The following CMPK1 variants were observed in gnomAD, a reference collection of about 807,000 sequenced individuals.
CMPK1 encodes the protein cytidine/uridine monophosphate kinase 1.
In CMPK1, 10 loss-of-function variants were observed where a neutral mutation model predicts 25.7. That is an observed-to-expected ratio of 0.39 (90% CI 0.24 to 0.66). CMPK1 has a LOEUF of 0.66. Ranked by LOEUF, CMPK1 falls within the 30% of genes least tolerant of loss-of-function variation. CMPK1 has a pLI of 0.48. For synonymous variants in CMPK1, 106 were observed against 101.5 expected, an observed-to-expected ratio of 1.04 and a Z score of -0.27; for missense variants, 199 against 280.5, an observed-to-expected ratio of 0.71 and a Z score of 2.08.
intron 5 of CMPK1, among the ~76,000 whole-genome samples, chr1:47,375,860 C>T (rs1466456890): frequency 6.6e-6 from 1 of 152,168 alleles, no homozygotes; most frequent in Non-Finnish European, 1.5e-5. Context: ...AGGAACCTAA[C>T]CTCCCTTTCC....
intron 1 of CMPK1, among the ~76,000 whole-genome samples, chr1:47,346,992 A>G (rs1353623908): frequency 6.6e-6 from 1 of 151,708 alleles, no homozygotes; most frequent in Non-Finnish European, 1.5e-5. Flanking sequence ...CGCGTTGGCC[A>G]GGCTGGTCTT....
chr1:47,333,829 G>T lies in CMPK1; in HGVS notation c.-117G>T, dbSNP rs913538054. The stretch of plus-strand genomic sequence containing the variant: ...CCGCGGACGCCCGGGCAGCCACGGC[G>T]GCGGGGCCGCGGCGGGCGCCGGCTC... On this transcript the variant is annotated 5_prime_UTR_variant, in exon 1 of 6. Transcript: ENST00000371873. 1 of 593,052 alleles carries T rather than the reference G, an allele frequency of 1.7e-6. No individual in the cohort carries two copies. The highest frequency in any genetic ancestry group is 2.1e-6 in the Non-Finnish European group (1 of 469,358). 36.7% of individuals were successfully genotyped at this position (593,052 alleles called of 1,614,324 possible).
Position 47,365,854 on chromosome 1 carries a change from G to A in CMPK1, c.172-2615G>A, listed in dbSNP as rs1646636350. 2.0e-5 allele frequency among the ~76,000 whole-genome samples: 3 copies of A among 151,980 alleles called. No individual in the cohort carries two copies. In the South Asian group the frequency reaches 6.2e-4, roughly 31 times the overall value. On this transcript the variant is annotated intron_variant, in intron 1 of 5. Coordinates refer to ENST00000371873, the MANE Select transcript of CMPK1 (RefSeq NM_016308.3). The stretch of plus-strand genomic sequence containing the variant: ...GGAAAAATTTCAGTTAAAATTTTAG[G>A]CACTTATTCTAAATGAATTGAGTTT...
At chr1:47,351,184 A>G (rs575901476) in intron 1 of CMPK1, among the ~76,000 whole-genome samples, 81 of 152,160 alleles carry the variant, frequency 5.3e-4, no homozygotes, top group African/African-American at 1.4e-3. Flanking sequence ...CCCAGATTCA[A>G]TGATTCTGCC....
intron 1 of CMPK1, among the ~76,000 whole-genome samples, chr1:47,341,128 TATAAGA>T (rs1465603388): frequency 6.6e-6 from 1 of 152,182 alleles, no homozygotes; most frequent in Non-Finnish European, 1.5e-5. Context: ...CATTTTAAGT[TATAAGA>T]GTAACACATG....
chr1:47,334,354 CCTT>C (rs1206416902), intron 1 of CMPK1, among the ~76,000 whole-genome samples: 1 of 152,154 alleles, frequency 6.6e-6, no homozygotes, highest in African/African-American at 2.4e-5. Context: ...TTCCTGCGCC[CCTT>C]CTTTTCTTAC....
intron 1 of CMPK1, among the ~76,000 whole-genome samples, chr1:47,348,051 A>T (rs1216983067): frequency 6.7e-6 from 1 of 149,278 alleles, no homozygotes; most frequent in African/African-American, 2.4e-5. Flanking sequence ...ACCACATTCC[A>T]GTTTAGATGC....
intron 2 of CMPK1, among the ~76,000 whole-genome samples, chr1:47,369,914 T>A (rs917548530): frequency 1.4e-5 from 2 of 144,546 alleles, no homozygotes; most frequent in Non-Finnish European, 3.0e-5. Context: ...TCTCTCTTTT[T>A]TTTTTTTTTT....
intron 1 of CMPK1, among the ~76,000 whole-genome samples, chr1:47,355,858 G>A (rs1216526986): frequency 6.6e-6 from 1 of 152,226 alleles, no homozygotes; most frequent in East Asian, 1.9e-4. Flanking sequence ...GCCCACCTCA[G>A]CCTCCCAAAG....
chr1:47,366,784 G>T (rs947422823), intron 1 of CMPK1, among the ~76,000 whole-genome samples: 2 of 152,092 alleles, frequency 1.3e-5, no homozygotes, highest in Non-Finnish European at 1.5e-5. Flanking sequence ...GAGTGCAGTG[G>T]TGTGATCTTG....
intron 1 of CMPK1, among the ~76,000 whole-genome samples, chr1:47,356,903 C>A (rs996357653): frequency 6.6e-6 from 1 of 151,608 alleles, no homozygotes; most frequent in Non-Finnish European, 1.5e-5. Flanking sequence ...TCAAGTGATC[C>A]GCATGCCTTC....
At chr1:47,372,386 A>C (rs1459324882) in intron 2 of CMPK1, among the ~76,000 whole-genome samples, 1 of 152,206 alleles carries the variant, frequency 6.6e-6, no homozygotes, top group Non-Finnish European at 1.5e-5. Context: ...ATTTTATCCT[A>C]CATTAATAAT....
In CMPK1 at chr1:47,333,956, G is replaced by C; in HGVS notation, c.11G>C (p.Arg4Pro). 1 of 1,479,738 alleles carries C rather than the reference G, an allele frequency of 6.8e-7. No individual in the cohort carries two copies. Among genetic ancestry groups the C allele is most frequent in the Non-Finnish European group, 9.0e-7 (1 of 1,106,818 alleles). The allele number at this position is 1,479,738 out of a possible 1,614,324, so 91.7% of individuals were successfully genotyped here. A position where few individuals can be genotyped will look rare whatever the true frequency, so the allele number is the denominator to read the frequency against. The change falls in exon 1 of 6, where the codon CGC (arginine) becomes CCC (proline). Residue 4 changes from arginine (R) to proline (P), a missense_variant. Arg to Pro is a moderately radical substitution (Grantham distance 103). Coordinates refer to ENST00000371873, the MANE Select transcript of CMPK1 (RefSeq NM_016308.3). MLSRCRSGLLHVLG... is the reference protein window; with the variant it reads MLSPCRSGLLHVLG... ...GCCGAGGCGCGGTGTATGCTGAGCCGCTGCCGCAGCGGGCTGCTCCACGTC... is the reference window on the plus strand; with the variant it reads ...GCCGAGGCGCGGTGTATGCTGAGCCCCTGCCGCAGCGGGCTGCTCCACGTC...
At chr1:47,334,147 G>A (rs1161078864) in intron 1 of CMPK1, 31 bp downstream of exon 1, 3 of 1,450,566 alleles carry the variant, frequency 2.1e-6, no homozygotes, top group Non-Finnish European at 1.8e-6. Context: ...GGGCTCCTTG[G>A]GGCTTGACGG....
intron 1 of CMPK1, among the ~76,000 whole-genome samples, chr1:47,365,991 C>T (rs201898175): frequency 7.2e-5 from 11 of 151,866 alleles, no homozygotes; most frequent in African/African-American, 1.2e-4. Context: ...GTTAGGAGTT[C>T]GAGACCAGCC....
At position 47,333,836 on chromosome 1, in the gene CMPK1, C is replaced by A. The variant is rs1188220252; in HGVS notation, c.-110C>A. Reference sequence around the variant, plus strand: ...CGCCCGGGCAGCCACGGCGGCGGGGCCGCGGCGGGCGCCGGCTCAGCCCGC... The same window carrying A: ...CGCCCGGGCAGCCACGGCGGCGGGGACGCGGCGGGCGCCGGCTCAGCCCGC... On this transcript the variant is annotated 5_prime_UTR_variant, in exon 1 of 6. Transcript: ENST00000371873. 1 of 668,038 alleles carries A rather than the reference C, an allele frequency of 1.5e-6. No homozygotes were observed. The highest frequency in any genetic ancestry group is 6.5e-5 in the South Asian group (1 of 15,338). 41.4% of individuals were successfully genotyped at this position (668,038 alleles called of 1,614,324 possible).
chr1:47,358,344 C>T lies in CMPK1; in HGVS notation c.172-10125C>T, dbSNP rs962027099. ...CATAGGCTGATCTCAAACTCCTGGC[C>T]TCGAGCAACCCTCTCGTCTTGACCT... On this transcript the variant is annotated intron_variant, in intron 1 of 5. Coordinates refer to ENST00000371873, the MANE Select transcript of CMPK1 (RefSeq NM_016308.3). The T allele has an allele frequency of 1.5e-5, 15 of 1,004,794 alleles. No homozygotes were observed. In the Admixed American group the frequency reaches 3.0e-4, roughly 20 times the overall value. The allele number at this position is 1,004,794 out of a possible 1,614,324, so 62.2% of individuals were successfully genotyped here. A position where few individuals can be genotyped will look rare whatever the true frequency, so the allele number is the denominator to read the frequency against.
intron 2 of CMPK1, among the ~76,000 whole-genome samples, chr1:47,369,707 G>A (rs1328369181): frequency 1.3e-5 from 2 of 150,892 alleles, no homozygotes; most frequent in African/African-American, 4.9e-5. Context: ...GACTACAGGC[G>A]TGCACCACCA....
chr1:47,350,478 T>C (rs558717531), intron 1 of CMPK1, among the ~76,000 whole-genome samples: 4 of 152,028 alleles, frequency 2.6e-5, no homozygotes, highest in East Asian at 2.0e-4. Flanking sequence ...TCTTGAACTC[T>C]TGGGCTCAAG....
Sources: allele counts gnomAD v4.1 joint callset (sites outside exome capture counted in the v4.1 genomes callset), GRCh38; gene constraint gnomAD v4.1.1; transcripts MANE v1.5; gene names NCBI Gene and HGNC (gene_info 2026-07-23, HGNC 2026-07-21).